The following A1BG variants were observed in gnomAD, a reference collection of about 807,000 sequenced individuals.
A1BG encodes the protein alpha-1-B glycoprotein.
Under a neutral mutation model 46.0 loss-of-function variants are expected in A1BG, and 44 were observed. The ratio of observed to expected loss-of-function variants is 0.96; its 90% CI spans 0.75 to 1.23. A1BG has a LOEUF of 1.23. A1BG is among the 50% of genes most tolerant of loss of function. The probability of loss-of-function intolerance (pLI) is 0.00; values close to 1 mark genes in which losing one functional copy is unlikely to be tolerated. For missense variants in A1BG, 707 were observed against 688.8 expected, an observed-to-expected ratio of 1.03 and a Z score of -0.30; for synonymous variants, 316 against 314.7, an observed-to-expected ratio of 1.00 and a Z score of -0.04.
chr19:58,347,474 C>G lies in A1BG; in HGVS notation c.1359G>C (p.Ala453=), dbSNP rs1373045231. 6.3e-7 allele frequency: 1 copy of G among 1,599,994 alleles called. No homozygotes were observed. The highest frequency in any genetic ancestry group is 1.7e-5 in the Admixed American group (1 of 59,038). ...VKTVRTPGAA[A]NLELIFVGPQ... ...GCCCCACGAAGATCAGCTCGAGGTT[C>G]GCCGCGGCCCCGGGGGTGCGGACCG... Residue 453 remains alanine, a synonymous_variant, in exon 7 of 8, where the codon GCG becomes GCC. Transcript: ENST00000263100.
At chr19:58,350,843 A>C in intron 5 of A1BG, 192 bp from the exon 6 acceptor site, 1 of 497,206 alleles carries the variant, frequency 2.0e-6, no homozygotes, top group Non-Finnish European at 3.3e-6. Flanking sequence ...GCACCCTTTC[A>C]CTGTTTCTTA....
rs2051921171 is a variant in A1BG, at chr19:58,347,410, A to G, written c.1423T>C (p.Trp475Arg). The G allele has an allele frequency of 5.6e-6, 9 of 1,611,680 alleles. No individual in the cohort carries two copies. In the South Asian group the frequency reaches 9.9e-5, roughly 18 times the overall value. ...TCCGATTCGAAGGTGTGGGGCACCC[A>G]GGAGCGGTAGCGGCACCTGTAGTTG... ...AGNYRCRYRS[W>R]VPHTFESELS... Residue 475 changes from tryptophan (W) to arginine (R), a missense_variant, in exon 7 of 8, where the codon TGG (tryptophan) becomes CGG (arginine). Transcript: ENST00000263100.
rs775429662 is a variant in A1BG at position 58,348,305 on chromosome 19, T to C, written c.1193-665A>G. ...AGGCAGAGGTTTCAGTGAGCCAAGA[T>C]TGCGCCACTGCACTCCAGCCCGGGT... is the stretch of plus-strand genomic sequence containing the variant. On this transcript the variant is annotated intron_variant, in intron 6 of 7. Transcript: ENST00000263100. 4.6e-5 allele frequency among the ~76,000 whole-genome samples: 7 copies of C among 152,258 alleles called. No individual in the cohort carries two copies. The East Asian group carries it at 1.2e-3, about 25-fold the overall frequency.
intron 7 of A1BG, 21 bp from the exon 8 acceptor site, chr19:58,347,050 G>T (rs2051918088): frequency 1.9e-6 from 3 of 1,614,044 alleles, no homozygotes; most frequent in Non-Finnish European, 1.7e-6. Context: ...GGAGAAAAGA[G>T]AAATGGTGGA....
chr19:58,351,954 C>G, intron 4 of A1BG: 2 of 787,678 alleles, frequency 2.5e-6, no homozygotes, highest in East Asian at 2.8e-5. Context: ...TGCCACCACA[C>G]CTGGCTAATT....
In A1BG at chr19:58,345,194, T is replaced by A. The variant is rs2051907456; in HGVS notation, c.*1828A>T. Reference sequence around the variant, plus strand: ...GAGAAGAAAAAAGAAAACAACCCAATATTTTAAAGTGTGCAAAATATATAA... The same window carrying A: ...GAGAAGAAAAAAGAAAACAACCCAAAATTTTAAAGTGTGCAAAATATATAA... On this transcript the variant is annotated 3_prime_UTR_variant, in exon 8 of 8. Transcript: ENST00000263100. 1 of 152,098 alleles carries A rather than the reference T, an allele frequency of 6.6e-6. No homozygotes were observed. The highest frequency in any genetic ancestry group is 6.6e-5 in the Admixed American group (1 of 15,262). The allele number at this position is 152,098 out of a possible 1,614,324, so 9.4% of individuals were successfully genotyped here. A position where few individuals can be genotyped will look rare whatever the true frequency, so the allele number is the denominator to read the frequency against.
intron 7 of A1BG, 101 bp downstream of exon 7, chr19:58,347,252 G>T: frequency 1.3e-6 from 2 of 1,519,224 alleles, no homozygotes; most frequent in South Asian, 1.2e-5. Flanking sequence ...CTAACCAGGG[G>T]TGCCCAAGGG....
chr19:58,350,676 C>A (rs2051949840), intron 5 of A1BG, 25 bp from the exon 6 acceptor site: 11 of 1,339,924 alleles, frequency 8.2e-6, no homozygotes, highest in Non-Finnish European at 9.5e-6. Flanking sequence ...ACGGGCTGAC[C>A]CGGGCGCCCA....
chr19:58,353,362 GC>G (rs2051984963), intron 1 of A1BG, 35 bp from the exon 2 acceptor site: 1 of 1,431,528 alleles, frequency 7.0e-7, no homozygotes, highest in Non-Finnish European at 9.8e-7. Context: ...TCCTGTTCCC[GC>G]CCCCTCCCGC....
At chr19:58,350,696 T>A in intron 5 of A1BG, 45 bp from the exon 6 acceptor site, 1 of 1,334,482 alleles carries the variant, frequency 7.5e-7, no homozygotes, top group Non-Finnish European at 9.5e-7. Flanking sequence ...AGCGGCTGGC[T>A]CGGCCCTAAC....
Position 58,351,611 on chromosome 19 carries a change from G to C in A1BG, c.690C>G (p.Leu230=), listed in dbSNP as rs1322225432. 1 of 1,613,640 alleles carries C rather than the reference G, an allele frequency of 6.2e-7. No homozygotes were observed. Among genetic ancestry groups the C allele is most frequent in the South Asian group, 1.1e-5 (1 of 91,058 alleles). ...QVLHPGNKVT[L]TCVAPLSGVD... ...CTCCACTCAGGGGAGCCACGCAGGT[G>C]AGGGTCACCTTGTTGCCAGGGTGCA... Residue 230 remains leucine (L), a synonymous_variant, in exon 5 of 8, where the codon CTC becomes CTG. Coordinates refer to ENST00000263100, the MANE Select transcript of A1BG (RefSeq NM_130786.4).
chr19:58,346,542 A>C lies in A1BG; in HGVS notation c.*480T>G. On this transcript the variant is annotated 3_prime_UTR_variant, in exon 8 of 8. Transcript: ENST00000263100. ...AGTTCAAGACAAGCTTGGGCAACAC[A>C]GTGAGACCCTGTCTACAAAAAATAA... 4.1e-6 allele frequency: 1 copy of C among 242,172 alleles called. No individual in the cohort carries two copies. The highest frequency in any genetic ancestry group is 8.1e-6 in the Non-Finnish European group (1 of 122,740). The allele number at this position is 242,172 out of a possible 1,614,324, so 15.0% of individuals were successfully genotyped here.
intron 6 of A1BG, 125 bp from the exon 7 acceptor site, chr19:58,347,765 T>G: frequency 1.7e-6 from 1 of 572,096 alleles, no homozygotes; most frequent in Non-Finnish European, 2.5e-6. Flanking sequence ...CTTCCCTGTC[T>G]TGTTCCTGGG....
At chr19:58,350,999 G>A in intron 5 of A1BG, 1 of 420,656 alleles carries the variant, frequency 2.4e-6, no homozygotes, top group Non-Finnish European at 4.3e-6. Context: ...CCGCCCCACG[G>A]AGGGGCCCCT....
chr19:58,350,501 C>T lies in A1BG; in HGVS notation c.1061G>A (p.Gly354Glu). ...GTGCAGCTCGAAGAGCGCCTCGGTCCCAGCGGGGCTCTGGAAACGGTGCAC... is the reference window on the plus strand; with the variant it reads ...GTGCAGCTCGAAGAGCGCCTCGGTCTCAGCGGGGCTCTGGAAACGGTGCAC... The part of the protein sequence containing the change: ...RRVHRFQSPA[G>E]TEALFELHNI... The change falls in exon 6 of 8, where the codon GGG becomes GAG. Residue 354 changes from glycine to glutamate, a missense_variant. Coordinates refer to ENST00000263100, the MANE Select transcript of A1BG (RefSeq NM_130786.4). The T allele has an allele frequency of 1.3e-6, 2 of 1,555,714 alleles. No homozygotes were observed. The highest frequency in any genetic ancestry group is 1.7e-6 in the Non-Finnish European group (2 of 1,150,264).
chr19:58,348,023 A>ATGAGGGTTTTCCCTCC (rs1187307299), intron 6 of A1BG, among the ~76,000 whole-genome samples: 1 of 152,228 alleles, frequency 6.6e-6, no homozygotes, highest in Non-Finnish European at 1.5e-5. Flanking sequence ...ATGTCAATAG[A>ATGAGGGTTTTCCCTCC]TGAGGGTTTT....
rs769156814 is a variant in A1BG, at chr19:58,351,665, C to G, written c.636G>C (p.Leu212=). ...CCTGGGAGGACTCTCCATGGTGCAT[C>G]AGCACAGGCGGTGGTGGTGCAGCTG... ...EELAAPPPPV[L]MHHGESSQVL... The change falls in exon 5 of 8, where the codon CTG becomes CTC. Residue 212 remains leucine, a synonymous_variant. Coordinates refer to ENST00000263100, the MANE Select transcript of A1BG (RefSeq NM_130786.4). The G allele has an allele frequency of 6.2e-7, 1 of 1,603,120 alleles. No individual in the cohort carries two copies. The highest frequency in any genetic ancestry group is 1.1e-5 in the South Asian group (1 of 89,708).
At chr19:58,352,735 GGA>G (rs2148001631) in intron 3 of A1BG, 180 bp from the exon 4 acceptor site, 1 of 1,135,936 alleles carries the variant, frequency 8.8e-7, no homozygotes, top group African/African-American at 1.6e-5. Flanking sequence ...AGAGTGTGTG[GGA>G]GCTGTACGGC....
In A1BG at chr19:58,346,920, C is replaced by G. The variant is rs2051916818; in HGVS notation, c.*102G>C. The G allele has an allele frequency of 1.6e-6, 2 of 1,282,216 alleles. No individual in the cohort carries two copies. The highest frequency in any genetic ancestry group is 1.7e-5 in the Admixed American group (1 of 59,598). The allele number at this position is 1,282,216 out of a possible 1,614,324, so 79.4% of individuals were successfully genotyped here. A position where few individuals can be genotyped will look rare whatever the true frequency, so the allele number is the denominator to read the frequency against. ...GGAATGAGGGAGGCTTCTCCAGCCC[C>G]CCAGAGACCCCGGCCTTGTGCTGCA... On this transcript the variant is annotated 3_prime_UTR_variant, in exon 8 of 8. Coordinates refer to ENST00000263100, the MANE Select transcript of A1BG (RefSeq NM_130786.4).
Sources: allele counts gnomAD v4.1 joint callset (sites outside exome capture counted in the v4.1 genomes callset), GRCh38; gene constraint gnomAD v4.1.1; transcripts MANE v1.5; gene names NCBI Gene and HGNC (gene_info 2026-07-23, HGNC 2026-07-21).